Variants in CYP3A7 observed in about 807,000 individuals in gnomAD.
The protein encoded by CYP3A7 is cytochrome P450 family 3 subfamily A member 7.
A neutral mutation model predicts 55.2 loss-of-function variants in CYP3A7; 45 were observed. That is an observed-to-expected ratio of 0.82 (90% CI 0.64 to 1.05). The LOEUF (loss-of-function observed/expected upper bound fraction) is 1.05. Ranked by LOEUF, CYP3A7 falls within the 50% of genes least tolerant of loss-of-function variation. The pLI is 0.00. For synonymous variants in CYP3A7, 180 were observed against 207.4 expected (o/e 0.87, Z 1.13); for missense variants, 548 against 605.3 (o/e 0.91, Z 0.99).
At chr7:99,718,996 CAG>C (rs1377997311) in intron 4 of CYP3A7, among the ~76,000 whole-genome samples, 2 of 152,148 alleles carry the variant, frequency 1.3e-5, no homozygotes, top group Non-Finnish European at 2.9e-5. Context: ...TAAAAGCAAT[CAG>C]AGAAAATCTA....
chr7:99,710,324 G>A (rs1311110018), intron 10 of CYP3A7, among the ~76,000 whole-genome samples: 1 of 152,170 alleles, frequency 6.6e-6, no homozygotes. Flanking sequence ...ACACATGTGG[G>A]GCAGAGCTGA....
intron 9 of CYP3A7, among the ~76,000 whole-genome samples, chr7:99,711,975 G>T (rs571755562): frequency 6.6e-5 from 10 of 152,272 alleles, no homozygotes; most frequent in Non-Finnish European, 1.0e-4. Flanking sequence ...ATCTCAGGAT[G>T]TACAGCAACT....
At chr7:99,723,027 T>TAA (rs11403618) in intron 2 of CYP3A7, among the ~76,000 whole-genome samples, 16 of 150,950 alleles carry the variant, frequency 1.1e-4, no homozygotes, top group Admixed American at 4.0e-4. Flanking sequence ...CACTGAAACT[T>TAA]AAAAAAAAAC....
intron 2 of CYP3A7, among the ~76,000 whole-genome samples, chr7:99,730,007 CACTT>C (rs879703398): frequency 5.3e-5 from 8 of 152,168 alleles, no homozygotes; most frequent in Non-Finnish European, 1.0e-4. Context: ...ACAAAGCCCT[CACTT>C]AGGAGAACTA....
intron 9 of CYP3A7, 134 bp from the exon 10 acceptor site, chr7:99,711,026 G>A: frequency 3.4e-6 from 5 of 1,460,792 alleles, no homozygotes; most frequent in Non-Finnish European, 3.7e-6. Context: ...GTCTCACTGG[G>A]GGTGGTTTCA....
chr7:99,721,122 A>G (rs1185864420), intron 3 of CYP3A7, among the ~76,000 whole-genome samples: 1 of 152,222 alleles, frequency 6.6e-6, no homozygotes, highest in Non-Finnish European at 1.5e-5. Flanking sequence ...GGCTGAGGCC[A>G]CCTTATAAAA....
At chr7:99,729,885 TG>T (rs1266981753) in intron 2 of CYP3A7, among the ~76,000 whole-genome samples, 2 of 152,242 alleles carry the variant, frequency 1.3e-5, no homozygotes, top group African/African-American at 4.8e-5. Flanking sequence ...AAACATTTAT[TG>T]CTCACACAAA....
intron 9 of CYP3A7, 62 bp from the exon 10 acceptor site, chr7:99,710,954 T>C: frequency 1.2e-6 from 2 of 1,611,246 alleles, no homozygotes; most frequent in African/African-American, 1.3e-5. Context: ...ACAGTTTAGA[T>C]GAAAAGAAAT....
chr7:99,711,422 A>G (rs764999453), intron 9 of CYP3A7, among the ~76,000 whole-genome samples: 1 of 152,162 alleles, frequency 6.6e-6, no homozygotes, highest in Non-Finnish European at 1.5e-5. Flanking sequence ...AATACAGACC[A>G]CCTCTTGCTA....
At chr7:99,731,267 A>G (rs1814605950) in intron 1 of CYP3A7, 115 bp from the exon 2 acceptor site, 4 of 1,172,648 alleles carry the variant, frequency 3.4e-6, no homozygotes, top group Non-Finnish European at 3.7e-6. Flanking sequence ...ACATTAAGGC[A>G]ATAAAAAATA....
chr7:99,724,588 AG>A (rs1814334557), intron 2 of CYP3A7, among the ~76,000 whole-genome samples: 1 of 151,950 alleles, frequency 6.6e-6, no homozygotes, highest in Admixed American at 6.6e-5. Flanking sequence ...CACCAGGCCA[AG>A]CCAGGTCCCA....
Position 99,709,094 on chromosome 7 carries a change from G to T in CYP3A7, c.1194C>A (p.Ser398Arg). 6.2e-7 allele frequency: 1 copy of T among 1,613,892 alleles called. No individual in the cohort carries two copies. The highest frequency in any genetic ancestry group is 8.5e-7 in the Non-Finnish European group (1 of 1,179,904). ...IPKGVVVMIPSYVLHHDPKYW... is the reference protein window; with the variant it reads ...IPKGVVVMIPRYVLHHDPKYW... ...ACTTTGGGTCATGATGAAGAACATA[G>T]CTTGGAATCATCACCACCACCCCTT... Residue 398 changes from serine to arginine, a missense_variant, in exon 11 of 13, where the codon AGC becomes AGA. By Grantham distance (110) the Ser-to-Arg change is moderately radical. Coordinates refer to ENST00000336374, the MANE Select transcript of CYP3A7 (RefSeq NM_000765.5).
At chr7:99,708,956 C>A (rs1813635990) in intron 11 of CYP3A7, 79 bp downstream of exon 11, 1 of 1,495,252 alleles carries the variant, frequency 6.7e-7, no homozygotes, top group South Asian at 1.1e-5. Flanking sequence ...TTGTACAAGC[C>A]CAGACTGTCC....
In CYP3A7 at chr7:99,705,137, A is replaced by G. The variant is rs1813472790; in HGVS notation, c.*363T>C. 1 of 250,684 alleles carries G rather than the reference A, an allele frequency of 4.0e-6. No homozygotes were observed. The highest frequency in any genetic ancestry group is 2.2e-5 in the African/African-American group (1 of 44,744). 15.5% of individuals were successfully genotyped at this position (250,684 alleles called of 1,614,324 possible). ...TATAAATGTCACTGTTAGAGCCATC[A>G]AAATAATTCCTATTTTTATTAATGA... On this transcript the variant is annotated 3_prime_UTR_variant, in exon 13 of 13. Transcript: ENST00000336374.
Position 99,729,185 on chromosome 7 carries a change from C to T in CYP3A7, c.165+1874G>A, listed in dbSNP as rs137869016. ...TACCTGTTTTTCTCCTTCTGTTATT[C>T]GGGACTTGTGTCTTCAATTGGTTTC... is the stretch of plus-strand genomic sequence containing the variant. On this transcript the variant is annotated intron_variant, in intron 2 of 12. Coordinates refer to ENST00000336374, the MANE Select transcript of CYP3A7 (RefSeq NM_000765.5). Among the ~76,000 whole-genome samples the T allele has an allele frequency of 1.5e-4, 23 of 152,230 alleles. 2 individuals carry two copies. In the East Asian group the frequency reaches 3.9e-3, roughly 26 times the overall value.
intron 2 of CYP3A7, among the ~76,000 whole-genome samples, chr7:99,730,347 A>G (rs572810572): frequency 1.3e-5 from 2 of 152,226 alleles, no homozygotes; most frequent in African/African-American, 4.8e-5. Context: ...AGGTTAATAG[A>G]CAACCACTAT....
intron 6 of CYP3A7, among the ~76,000 whole-genome samples, 162 bp downstream of exon 6, chr7:99,717,015 A>G (rs991004865): frequency 1.3e-5 from 2 of 152,140 alleles, no homozygotes; most frequent in Admixed American, 6.5e-5. Context: ...CCACCTCCTC[A>G]TCGGAGCTGC....
intron 2 of CYP3A7, among the ~76,000 whole-genome samples, chr7:99,729,082 A>T (rs529503082): frequency 6.6e-6 from 1 of 152,326 alleles, no homozygotes; most frequent in Non-Finnish European, 1.5e-5. Flanking sequence ...CTCACCAGCC[A>T]GGCAAATACT....
chr7:99,712,543 C>T (rs570071297), intron 9 of CYP3A7, among the ~76,000 whole-genome samples: 1 of 152,298 alleles, frequency 6.6e-6, no homozygotes, highest in South Asian at 2.1e-4. Flanking sequence ...AGATGAAACA[C>T]TAAAACAGTA....
Sources: gnomAD v4.1 joint callset for allele counts (sites outside exome capture counted in the v4.1 genomes callset) on GRCh38, gnomAD v4.1.1 for gene constraint, MANE v1.5 for transcripts, NCBI Gene and HGNC (gene_info 2026-07-23, HGNC 2026-07-21) for gene names.